The following PDE4D variants were observed in gnomAD, a reference collection of about 807,000 sequenced individuals.
The protein encoded by PDE4D is 3',5'-cyclic-AMP phosphodiesterase 4D.
In PDE4D, 24 loss-of-function variants were observed where a neutral mutation model predicts 87.4. The observed-to-expected ratio is 0.27, with a 90% confidence interval of 0.20 to 0.39. PDE4D has a LOEUF of 0.39. PDE4D is among the 10% of genes least tolerant of loss of function. The probability of loss-of-function intolerance (pLI) is 1.00; values close to 1 mark genes in which losing one functional copy is unlikely to be tolerated. For missense variants in PDE4D, 714 were observed against 1,041.0 expected, an observed-to-expected ratio of 0.69 and a Z score of 4.32; for synonymous variants, 384 against 383.2, an observed-to-expected ratio of 1.00 and a Z score of -0.02.
intron 1 of PDE4D, among the ~76,000 whole-genome samples, chr5:59,831,401 C>T (rs1741218895): frequency 7.0e-6 from 1 of 142,484 alleles, no homozygotes; most frequent in South Asian, 2.2e-4. Flanking sequence ...TGGCCAAGAA[C>T]AAGATTCTTT....
chr5:60,290,497 A>C (rs532866214), intron 1 of PDE4D, among the ~76,000 whole-genome samples: 47 of 152,274 alleles, frequency 3.1e-4, no homozygotes, highest in African/African-American at 9.6e-4. Context: ...AATATGAAAA[A>C]ATACATATAG....
At chr5:60,506,370 C>CA (rs1750323289) in intron 1 of PDE4D, among the ~76,000 whole-genome samples, 1 of 152,136 alleles carries the variant, frequency 6.6e-6, no homozygotes, top group African/African-American at 2.4e-5. Flanking sequence ...TGGGAAATCC[C>CA]AAAAAGAATA....
intron 2 of PDE4D, among the ~76,000 whole-genome samples, chr5:59,995,161 C>T (rs1042003009): frequency 1.3e-5 from 2 of 152,028 alleles, no homozygotes; most frequent in African/African-American, 4.8e-5. Context: ...TGTAGATCAC[C>T]CCATAAATTG....
chr5:59,045,820 A>G (rs904641212), intron 5 of PDE4D, among the ~76,000 whole-genome samples: 1 of 152,222 alleles, frequency 6.6e-6, no homozygotes, highest in African/African-American at 2.4e-5. Flanking sequence ...AATGGAATTT[A>G]AGAAAGTAAA....
At chr5:59,349,945 T>C (rs1445985053) in intron 1 of PDE4D, among the ~76,000 whole-genome samples, 4 of 152,192 alleles carry the variant, frequency 2.6e-5, no homozygotes, top group Non-Finnish European at 4.4e-5. Context: ...CTCCCCTCTC[T>C]ATCTCTGTTT....
chr5:59,750,945 C>CCAA (rs1760360199), intron 1 of PDE4D, among the ~76,000 whole-genome samples: 1 of 68,762 alleles, frequency 1.5e-5, no homozygotes, highest in Non-Finnish European at 2.8e-5. Flanking sequence ...GACCCTGTCT[C>CCAA]AAAAAAAAAA....
intron 1 of PDE4D, among the ~76,000 whole-genome samples, chr5:59,571,855 T>C (rs549893948): frequency 2.6e-4 from 39 of 152,348 alleles, no homozygotes; most frequent in Middle Eastern, 3.4e-3. Flanking sequence ...GGGGATAATA[T>C]ATAATAGCCA....
chr5:59,507,808 G>A (rs1809558276), intron 1 of PDE4D, among the ~76,000 whole-genome samples: 1 of 151,790 alleles, frequency 6.6e-6, no homozygotes, highest in South Asian at 2.1e-4. Context: ...CACAATAGTA[G>A]TTACTCTGGG....
At chr5:59,954,553 G>C (rs527339159) in intron 3 of PDE4D, among the ~76,000 whole-genome samples, 9 of 152,272 alleles carry the variant, frequency 5.9e-5, no homozygotes, top group African/African-American at 2.2e-4. Context: ...TATTATTAGA[G>C]ATGGCAGGTC....
intron 1 of PDE4D, among the ~76,000 whole-genome samples, chr5:59,419,181 C>T (rs768730356): frequency 1.3e-5 from 2 of 152,114 alleles, no homozygotes; most frequent in African/African-American, 2.4e-5. Context: ...TAAGATAATC[C>T]CTGAATAGCC....
chr5:59,215,854 G>A lies in PDE4D; in HGVS notation c.570C>T (p.Ser190=). ...AATCGCTGTCGGATCGATACAGGAAGGACTCCCGTCGTTGACTGTGGACAA... is the reference window on the plus strand; with the variant it reads ...AATCGCTGTCGGATCGATACAGGAAAGACTCCCGTCGTTGACTGTGGACAA... ...ANFVHSQRRE[S]FLYRSDSDYD... Residue 190 remains serine, a synonymous_variant, in exon 2 of 15, where the codon TCC becomes TCT. Transcript: ENST00000340635. The A allele has an allele frequency of 6.2e-7, 1 of 1,613,666 alleles. No individual in the cohort carries two copies. Among genetic ancestry groups the A allele is most frequent in the Non-Finnish European group, 8.5e-7 (1 of 1,179,682 alleles).
At chr5:60,431,490 A>ACGCTC (rs1009415362) in intron 1 of PDE4D, among the ~76,000 whole-genome samples, 1 of 147,332 alleles carries the variant, frequency 6.8e-6, no homozygotes, top group African/African-American at 2.6e-5. Flanking sequence ...CCGGGCAGAG[A>ACGCTC]CGCTCCTCAC....
At chr5:60,172,145 T>TATATTAATATATATATAC (rs1783514057) in intron 2 of PDE4D, among the ~76,000 whole-genome samples, 6 of 147,432 alleles carry the variant, frequency 4.1e-5, no homozygotes, top group African/African-American at 1.5e-4. Context: ...TATATATATA[T>TATATTAATATATATATAC]ACACACACAT....
At chr5:59,971,280 C>T (rs957894172) in intron 3 of PDE4D, among the ~76,000 whole-genome samples, 7 of 150,728 alleles carry the variant, frequency 4.6e-5, no homozygotes, top group Non-Finnish European at 7.4e-5. Context: ...GTGGGTGCAG[C>T]GCACCAGCAT....
At chr5:59,375,584 T>G (rs566108258) in intron 1 of PDE4D, among the ~76,000 whole-genome samples, 1 of 152,270 alleles carries the variant, frequency 6.6e-6, no homozygotes, top group South Asian at 2.1e-4. Context: ...ACCAGACTGA[T>G]TCACAGCTGA....
At chr5:60,109,485 A>T (rs1777439019) in intron 2 of PDE4D, among the ~76,000 whole-genome samples, 2 of 150,868 alleles carry the variant, frequency 1.3e-5, no homozygotes, top group South Asian at 4.2e-4. Context: ...TAGAAATACC[A>T]TTTGACCCAG....
At chr5:60,468,770 C>A (rs16878122) in intron 1 of PDE4D, among the ~76,000 whole-genome samples, 3,944 of 152,178 alleles carry the variant, frequency 0.026, 76 homozygotes, top group Admixed American at 0.051. Context: ...AAGCAATCCT[C>A]CTACTTCAGC....
At chr5:59,042,086 A>C (rs977202182) in intron 5 of PDE4D, among the ~76,000 whole-genome samples, 1 of 152,208 alleles carries the variant, frequency 6.6e-6, no homozygotes, top group Non-Finnish European at 1.5e-5. Context: ...AATCACTGGA[A>C]CACATCTACA....
At chr5:59,517,436 C>T (rs554603651) in intron 1 of PDE4D, among the ~76,000 whole-genome samples, 20 of 152,290 alleles carry the variant, frequency 1.3e-4, no homozygotes, top group African/African-American at 4.6e-4. Flanking sequence ...CACCTTTCAA[C>T]CTTTGTTTTA....
Sources: allele counts gnomAD v4.1 joint callset (sites outside exome capture counted in the v4.1 genomes callset), GRCh38; gene constraint gnomAD v4.1.1; transcripts MANE v1.5; gene names NCBI Gene and HGNC (gene_info 2026-07-23, HGNC 2026-07-21).